The following VPS13A variants were observed in gnomAD, a reference collection of about 807,000 sequenced individuals.
The protein encoded by VPS13A is vacuolar protein sorting 13 homolog A, also known as intermembrane lipid transfer protein VPS13A.
In VPS13A, 264 loss-of-function variants were observed where a neutral mutation model predicts 390.9. The ratio of observed to expected loss-of-function variants is 0.68; its 90% confidence interval spans 0.61 to 0.75. VPS13A has a LOEUF of 0.75. Among genes scored for constraint, VPS13A ranks in the 30% least tolerant of loss-of-function variants. VPS13A has a pLI of 0.00. For missense variants in VPS13A, 3,409 were observed against 3,733.9 expected, an observed-to-expected ratio of 0.91 and a Z score of 2.27; for synonymous variants, 1,231 against 1,227.1, an observed-to-expected ratio of 1.00 and a Z score of -0.07.
intron 68 of VPS13A, among the ~76,000 whole-genome samples, chr9:77,399,923 TTTTA>T (rs1175866723): frequency 3.9e-5 from 6 of 152,182 alleles, no homozygotes; most frequent in Non-Finnish European, 1.5e-5. Context: ...TGTAATATAA[TTTTA>T]TTTACTATAT....
chr9:77,367,899 T>C (rs1265114728), intron 61 of VPS13A, among the ~76,000 whole-genome samples, 156 bp from the exon 62 acceptor site: 1 of 152,168 alleles, frequency 6.6e-6, no homozygotes, highest in African/African-American at 2.4e-5. Context: ...TATGCAGAGA[T>C]GTATGTAAAA....
chr9:77,199,763 A>G (rs1234182291), intron 1 of VPS13A, among the ~76,000 whole-genome samples, 182 bp from the exon 2 acceptor site: 1 of 144,508 alleles, frequency 6.9e-6, no homozygotes, highest in Admixed American at 7.3e-5. Flanking sequence ...TTGGTCAAGC[A>G]TACTCTGTTA....
chr9:77,285,904 A>T (rs1827294869), intron 31 of VPS13A, among the ~76,000 whole-genome samples: 2 of 152,080 alleles, frequency 1.3e-5, no homozygotes, highest in African/African-American at 4.8e-5. Flanking sequence ...ATTTGTTGCT[A>T]TCTTATTTAT....
intron 56 of VPS13A, 113 bp downstream of exon 56, chr9:77,357,951 C>CA (rs1831909787): frequency 5.9e-6 from 4 of 673,520 alleles, no homozygotes; most frequent in African/African-American, 2.4e-5. Context: ...GTTGTGCTAG[C>CA]CTTTTTTTTT....
At position 77,198,816 on chromosome 9, in the gene VPS13A, A is replaced by G. The variant is rs142703110; in HGVS notation, c.101-1129A>G. Among the ~76,000 whole-genome samples the G allele has an allele frequency of 2.3e-3, 348 of 152,184 alleles. 3 individuals are homozygous for G. The highest frequency in any genetic ancestry group is 0.01 in the Middle Eastern group (3 of 294). On this transcript the variant is annotated intron_variant, in intron 1 of 71. Transcript: ENST00000360280. ...GTAGCTGGGATTACAGGCATGCACC[A>G]TCACGACCGGCTAATTTTGTACTTT...
At chr9:77,203,235 G>T (rs768731303) in intron 3 of VPS13A, among the ~76,000 whole-genome samples, 1 of 152,066 alleles carries the variant, frequency 6.6e-6, no homozygotes, top group Non-Finnish European at 1.5e-5. Flanking sequence ...TTTGAAATTT[G>T]CCAAATTTTC....
chr9:77,242,601 G>T (rs1824568550), intron 19 of VPS13A, among the ~76,000 whole-genome samples: 1 of 151,774 alleles, frequency 6.6e-6, no homozygotes, highest in Admixed American at 6.6e-5. Flanking sequence ...CTGTATATTG[G>T]TATATTATAT....
intron 17 of VPS13A, among the ~76,000 whole-genome samples, chr9:77,228,784 T>TGGGGAGGCCTCAGAATTGTCA (rs1193028672): frequency 3.3e-5 from 5 of 152,146 alleles, no homozygotes; most frequent in African/African-American, 1.2e-4. Context: ...TCCACATGGC[T>TGGGGAGGCCTCAGAATTGTCA]GGGGAGGCCT....
rs199682779 is a variant in VPS13A at position 77,250,183 on chromosome 9, A to G, written c.2124A>G (p.Ser708=). The change falls in exon 21 of 72, where the codon TCA becomes TCG. Residue 708 remains serine (S), a synonymous_variant. Coordinates refer to ENST00000360280, the MANE Select transcript of VPS13A (RefSeq NM_033305.3). ...LKEIMDRAYD[S]FDIQLTSVQL... is the part of the protein sequence containing the mutation. ...AGATAATGGATAGAGCTTATGATTCATTTGATATTCAACTTACAAGTGTAC... is the reference window on the plus strand; with the variant it reads ...AGATAATGGATAGAGCTTATGATTCGTTTGATATTCAACTTACAAGTGTAC... 310 of 1,613,898 alleles carry G rather than the reference A, an allele frequency of 1.9e-4. 2 individuals carry two copies. The East Asian group carries it at 5.0e-3, about 26-fold the overall frequency.
At chr9:77,243,898 A>G (rs1426976634) in intron 19 of VPS13A, among the ~76,000 whole-genome samples, 6 of 152,178 alleles carry the variant, frequency 3.9e-5, no homozygotes, top group African/African-American at 1.4e-4. Context: ...TGAATTATTA[A>G]CTGTAATGAG....
chr9:77,235,352 C>T (rs955973939), intron 17 of VPS13A, among the ~76,000 whole-genome samples: 1 of 152,024 alleles, frequency 6.6e-6, no homozygotes, highest in Admixed American at 6.6e-5. Context: ...TCATTTAGTG[C>T]TTTAAGTACA....
At chr9:77,320,385 ATT>A (rs962170053) in intron 42 of VPS13A, among the ~76,000 whole-genome samples, 1 of 152,066 alleles carries the variant, frequency 6.6e-6, no homozygotes, top group Non-Finnish European at 1.5e-5. Context: ...AATGTATATT[ATT>A]TGTTTGAAAT....
chr9:77,304,408 T>C (rs975096748), intron 34 of VPS13A, among the ~76,000 whole-genome samples: 6 of 152,172 alleles, frequency 3.9e-5, no homozygotes, highest in Non-Finnish European at 8.8e-5. Flanking sequence ...CTTCCCTTTC[T>C]ACATAGGCAC....
At chr9:77,226,036 A>G in intron 14 of VPS13A, 48 bp downstream of exon 14, 4 of 1,487,118 alleles carry the variant, frequency 2.7e-6, no homozygotes, top group South Asian at 2.3e-5. Context: ...AATTCCATAT[A>G]GATATGACAG....
intron 45 of VPS13A, among the ~76,000 whole-genome samples, 168 bp downstream of exon 45, chr9:77,323,395 C>T (rs544684616): frequency 2.4e-4 from 37 of 152,048 alleles, no homozygotes; most frequent in African/African-American, 8.2e-4. Context: ...TTGGTTATGA[C>T]GGGTGGTAGG....
chr9:77,334,298 T>A (rs1342128319), intron 46 of VPS13A, among the ~76,000 whole-genome samples: 1 of 152,184 alleles, frequency 6.6e-6, no homozygotes, highest in East Asian at 1.9e-4. Flanking sequence ...AAATTTTATC[T>A]CCATCTATTA....
intron 54 of VPS13A, 66 bp downstream of exon 54, chr9:77,353,707 G>C: frequency 7.1e-7 from 1 of 1,411,172 alleles, no homozygotes. Flanking sequence ...AATTGTTATT[G>C]TAAAATCTCA....
At chr9:77,332,989 G>T (rs17063544) in intron 46 of VPS13A, among the ~76,000 whole-genome samples, 29,490 of 152,006 alleles carry the variant, frequency 0.19, 3,682 homozygotes, top group East Asian at 0.39. Flanking sequence ...AACCTAAAGA[G>T]TGTTTTATTG....
chr9:77,227,056 A>C lies in VPS13A; in HGVS notation c.1358-335A>C, dbSNP rs1462858277. On this transcript the variant is annotated intron_variant, in intron 15 of 71. Coordinates refer to ENST00000360280, the MANE Select transcript of VPS13A (RefSeq NM_033305.3). Reference sequence around the variant, plus strand: ...GCACTAAACTTCAGTTTTATCATCTATAACATGGGAGGAAATTACAATGTT... The same window carrying C: ...GCACTAAACTTCAGTTTTATCATCTCTAACATGGGAGGAAATTACAATGTT... Among the ~76,000 whole-genome samples the C allele has an allele frequency of 2.0e-5, 3 of 152,198 alleles. No individual in the cohort carries two copies. In the East Asian group the frequency reaches 5.8e-4, roughly 29 times the overall value.
Sources: allele counts gnomAD v4.1 joint callset (sites outside exome capture counted in the v4.1 genomes callset), GRCh38; gene constraint gnomAD v4.1.1; transcripts MANE v1.5; gene names NCBI Gene and HGNC (gene_info 2026-07-23, HGNC 2026-07-21).